The following MTMR3 variants were observed in gnomAD, a reference collection of about 807,000 sequenced individuals.
MTMR3 encodes the protein phosphatidylinositol-3,5-bisphosphate 3-phosphatase MTMR3.
MTMR3 carries 32 observed loss-of-function variants against 132.4 expected under a neutral mutation model. The observed-to-expected ratio is 0.24, with a 90% confidence interval of 0.18 to 0.32. The LOEUF (loss-of-function observed/expected upper bound fraction) is 0.32, where lower values mean the gene tolerates loss of function less well. Among genes scored for constraint, MTMR3 ranks in the 10% least tolerant of loss-of-function variants. MTMR3 has a pLI of 1.00. For synonymous variants in MTMR3, 556 were observed against 550.3 expected (o/e 1.01, Z -0.14); for missense variants, 1,216 against 1,489.6 (o/e 0.82, Z 3.02).
At chr22:29,887,847 A>G (rs1200109483) in intron 1 of MTMR3, among the ~76,000 whole-genome samples, 2 of 152,178 alleles carry the variant, frequency 1.3e-5, no homozygotes, top group Non-Finnish European at 1.5e-5. Flanking sequence ...GAAAGAGAAT[A>G]TATCAGTACA....
chr22:29,976,484 A>T (rs1404056556), intron 3 of MTMR3, among the ~76,000 whole-genome samples: 1 of 152,188 alleles, frequency 6.6e-6, no homozygotes, highest in Admixed American at 6.5e-5. Context: ...TGCACCATAC[A>T]TCAGAGGTGT....
Position 29,991,552 on chromosome 22 carries a change from G to T in MTMR3, c.342G>T (p.Leu114=). The stretch of plus-strand genomic sequence containing the variant: ...AGTGTCAAGAGTGGCTGAAGAGACT[G>T]AACAACGCAATCCGACCACCTGCTA... ...FEQCQEWLKR[L]NNAIRPPAKI... Residue 114 remains leucine (L), a synonymous_variant, in exon 7 of 20, where the codon CTG becomes CTT. Coordinates refer to ENST00000401950, the MANE Select transcript of MTMR3 (RefSeq NM_021090.4). The T allele has an allele frequency of 6.2e-7, 1 of 1,614,062 alleles. No homozygotes were observed. Among genetic ancestry groups the T allele is most frequent in the Non-Finnish European group, 8.5e-7 (1 of 1,179,978 alleles).
intron 5 of MTMR3, chr22:29,987,794 C>T (rs549785027): frequency 1.3e-5 from 2 of 152,194 alleles, no homozygotes; most frequent in Admixed American, 1.3e-4. Context: ...ATTTGGCAAA[C>T]GGGGCTTCTA....
At chr22:29,979,717 T>C (rs1195430893) in intron 5 of MTMR3, 1 of 152,542 alleles carries the variant, frequency 6.6e-6, no homozygotes, top group Non-Finnish European at 1.5e-5. Flanking sequence ...TCAGTTGAGA[T>C]AATTCCCTTG....
intron 1 of MTMR3, among the ~76,000 whole-genome samples, chr22:29,912,481 G>A (rs1291304089): frequency 1.3e-5 from 2 of 152,106 alleles, no homozygotes; most frequent in Non-Finnish European, 2.9e-5. Flanking sequence ...ATGGGTTCTC[G>A]CTATGTTGCC....
chr22:29,892,934 C>A (rs914715999), intron 1 of MTMR3, among the ~76,000 whole-genome samples: 2 of 152,182 alleles, frequency 1.3e-5, no homozygotes, highest in Non-Finnish European at 2.9e-5. Context: ...GATTTGAGAT[C>A]ATCATTTAAT....
intron 1 of MTMR3, among the ~76,000 whole-genome samples, chr22:29,889,279 C>A (rs1302467807): frequency 1.4e-5 from 2 of 144,262 alleles, no homozygotes; most frequent in South Asian, 2.2e-4. Context: ...ATGAAAGCTA[C>A]GGAACTTTTT....
intron 3 of MTMR3, among the ~76,000 whole-genome samples, chr22:29,974,610 G>T (rs1353768872): frequency 6.6e-6 from 1 of 152,156 alleles, no homozygotes; most frequent in African/African-American, 2.4e-5. Context: ...TATTGGTCTG[G>T]ATTAGCACCC....
At chr22:29,886,367 A>G (rs759617590) in intron 1 of MTMR3, among the ~76,000 whole-genome samples, 14 of 152,220 alleles carry the variant, frequency 9.2e-5, no homozygotes, top group Non-Finnish European at 1.9e-4. Flanking sequence ...GTCTTAATGA[A>G]TCTTAAGTGT....
intron 15 of MTMR3, 86 bp downstream of exon 15, chr22:30,016,784 T>C: frequency 7.0e-7 from 1 of 1,435,290 alleles, no homozygotes; most frequent in East Asian, 2.3e-5. Flanking sequence ...GTAGTGACTG[T>C]TTTTGTGAAG....
chr22:29,977,305 G>A (rs1008318004), intron 3 of MTMR3, among the ~76,000 whole-genome samples: 2 of 152,008 alleles, frequency 1.3e-5, no homozygotes, highest in Non-Finnish European at 2.9e-5. Flanking sequence ...AAAGAAAAGT[G>A]CTGTGTAAAC....
intron 3 of MTMR3, among the ~76,000 whole-genome samples, chr22:29,976,883 C>T (rs2066639439): frequency 1.3e-5 from 2 of 152,228 alleles, no homozygotes; most frequent in East Asian, 3.9e-4. Flanking sequence ...TGGGGGAAGA[C>T]TTACAAAATT....
rs147697624 is a variant in MTMR3 at position 29,921,129 on chromosome 22, A to G, written c.-137-35907A>G. 7.4e-3 allele frequency among the ~76,000 whole-genome samples: 1,124 copies of G among 152,174 alleles called. 10 individuals are homozygous for G. The highest frequency in any genetic ancestry group is 0.026 in the African/African-American group (1,060 of 41,494). On this transcript the variant is annotated intron_variant, in intron 1 of 19. Coordinates refer to ENST00000401950, the MANE Select transcript of MTMR3 (RefSeq NM_021090.4). ...AAAGAAAATAGTTTTATTTGGCTCA[A>G]AGTTCTGCAGGCTGTACAAGAAGCA...
intron 2 of MTMR3, among the ~76,000 whole-genome samples, chr22:29,963,907 G>A (rs1318520675): frequency 1.3e-5 from 2 of 151,536 alleles, no homozygotes; most frequent in Non-Finnish European, 2.9e-5. Context: ...CCACCTTTGG[G>A]CTACTTTGAA....
intron 2 of MTMR3, among the ~76,000 whole-genome samples, 172 bp downstream of exon 2, chr22:29,957,260 A>ATT (rs148686689): frequency 0.11 from 15,461 of 144,478 alleles, 1,245 homozygotes; most frequent in African/African-American, 0.2. Context: ...CTTACATGTG[A>ATT]TTATTTTTTT....
chr22:30,007,055 T>G lies in MTMR3; in HGVS notation c.672-59T>G, dbSNP rs763248242. 7 of 1,576,282 alleles carry G rather than the reference T, an allele frequency of 4.4e-6. No homozygotes were observed. The South Asian group carries it at 7.8e-5, about 18-fold the overall frequency. ...TCATTAAGGCACTTAAAATCTATTT[T>G]GTGTGAGTACAGAGAGCATCTGAAT... On this transcript the variant is annotated intron_variant, in intron 9 of 19. Coordinates refer to ENST00000401950, the MANE Select transcript of MTMR3 (RefSeq NM_021090.4).
chr22:29,951,528 T>C (rs1341848070), intron 1 of MTMR3, among the ~76,000 whole-genome samples: 1 of 152,222 alleles, frequency 6.6e-6, no homozygotes, highest in Non-Finnish European at 1.5e-5. Flanking sequence ...GCAACCAGCC[T>C]GTTGTCTAAA....
intron 8 of MTMR3, chr22:30,001,619 G>A (rs1473505674): frequency 6.6e-6 from 1 of 152,208 alleles, no homozygotes; most frequent in African/African-American, 2.4e-5. Context: ...AAAATGGGGG[G>A]TGGTGGGAAA....
At chr22:29,928,171 C>CTTTTTTTTTTT (rs66896756) in intron 1 of MTMR3, among the ~76,000 whole-genome samples, 1 of 107,702 alleles carries the variant, frequency 9.3e-6, no homozygotes, top group Non-Finnish European at 1.8e-5. Context: ...TTTTTTTTTT[C>CTTTTTTTTTTT]TTTTTTTTTT....
Sources: allele counts gnomAD v4.1 joint callset (sites outside exome capture counted in the v4.1 genomes callset), GRCh38; gene constraint gnomAD v4.1.1; transcripts MANE v1.5; gene names NCBI Gene and HGNC (gene_info 2026-07-23, HGNC 2026-07-21).